ITGA6: variants seen among roughly 807,000 people sequenced by gnomAD.
ITGA6 encodes integrin subunit alpha 6, also known as integrin alpha-6.
Under a neutral mutation model 133.6 loss-of-function variants are expected in ITGA6, and 63 were observed. That is an observed-to-expected ratio of 0.47 (90% CI 0.38 to 0.58). The LOEUF (loss-of-function observed/expected upper bound fraction) is 0.58. Among genes scored for constraint, ITGA6 ranks in the 20% least tolerant of loss-of-function variants. ITGA6 has a pLI of 0.00. For missense variants in ITGA6, 1,068 were observed against 1,309.4 expected (o/e 0.82, Z 2.85); for synonymous variants, 434 against 482.0 (o/e 0.90, Z 1.30).
At chr2:172,472,158 C>T (rs1266954207) in intron 5 of ITGA6, among the ~76,000 whole-genome samples, 1 of 152,174 alleles carries the variant, frequency 6.6e-6, no homozygotes, top group Non-Finnish European at 1.5e-5. Flanking sequence ...CCCTTCTCTA[C>T]TAAAAATACA....
chr2:172,478,651 T>G (rs750982924), intron 9 of ITGA6, among the ~76,000 whole-genome samples: 1 of 152,178 alleles, frequency 6.6e-6, no homozygotes, highest in Non-Finnish European at 1.5e-5. Flanking sequence ...GGCGTGGAAT[T>G]GGATTCCAGC....
intron 1 of ITGA6, among the ~76,000 whole-genome samples, chr2:172,461,792 G>A (rs1258279526): frequency 6.6e-6 from 1 of 152,176 alleles, no homozygotes; most frequent in Admixed American, 6.5e-5. Flanking sequence ...CCTCCTAGGT[G>A]TAGACTGTCC....
intron 1 of ITGA6, among the ~76,000 whole-genome samples, chr2:172,447,873 G>A (rs1326406455): frequency 1.3e-5 from 2 of 152,124 alleles, no homozygotes; most frequent in Non-Finnish European, 2.9e-5. Flanking sequence ...TAAAGACTTT[G>A]AGCTGAAGGA....
chr2:172,430,954 G>A (rs1684081912), intron 1 of ITGA6, among the ~76,000 whole-genome samples: 1 of 152,178 alleles, frequency 6.6e-6, no homozygotes, highest in Admixed American at 6.5e-5. Context: ...GCTCTTCTGG[G>A]AAGAGATGGA....
At chr2:172,479,910 T>C in intron 10 of ITGA6, 80 bp from the exon 11 acceptor site, 1 of 1,084,880 alleles carries the variant, frequency 9.2e-7, no homozygotes, top group African/African-American at 1.5e-5. Context: ...ATTGGGGGGA[T>C]TGGAGAGCTA....
intron 9 of ITGA6, among the ~76,000 whole-genome samples, chr2:172,478,854 G>C (rs957044552): frequency 6.6e-6 from 1 of 152,200 alleles, no homozygotes; most frequent in Admixed American, 6.5e-5. Flanking sequence ...TTGTACAATG[G>C]AGACTCCCAA....
chr2:172,487,447 T>G lies in ITGA6; in HGVS notation c.2154T>G (p.Ala718=). The change falls in exon 15 of 26, where the codon GCT becomes GCG. Residue 718 remains alanine, a synonymous_variant. Transcript: ENST00000684293. The part of the protein sequence containing the change: ...LTYSAYRELR[A]FPEKQLSCVA... The stretch of plus-strand genomic sequence containing the variant: ...ATTCTGCATATAGAGAACTGAGGGC[T>G]TTCCCTGTAAGTATTGTTAGAGACC... 2 of 1,613,914 alleles carry G rather than the reference T, an allele frequency of 1.2e-6. No individual in the cohort carries two copies. The highest frequency in any genetic ancestry group is 1.7e-6 in the Non-Finnish European group (2 of 1,179,776).
chr2:172,467,424 G>C, intron 2 of ITGA6, 57 bp from the exon 3 acceptor site: 1 of 1,348,502 alleles, frequency 7.4e-7, no homozygotes, highest in South Asian at 1.2e-5. Context: ...TTTTTGTTCA[G>C]TGATGGTTTC....
chr2:172,451,622 G>A (rs1195857810), intron 1 of ITGA6, among the ~76,000 whole-genome samples: 1 of 152,190 alleles, frequency 6.6e-6, no homozygotes, highest in Non-Finnish European at 1.5e-5. Context: ...CTGAAAAGAG[G>A]TGTTTTGAGA....
intron 1 of ITGA6, among the ~76,000 whole-genome samples, chr2:172,462,517 C>T (rs1015523391): frequency 3.4e-4 from 52 of 152,170 alleles, no homozygotes; most frequent in Non-Finnish European, 1.2e-4. Flanking sequence ...CTGCAGTAGC[C>T]GCCGCATGTA....
intron 11 of ITGA6, chr2:172,480,972 C>T (rs1686417121): frequency 6.6e-6 from 1 of 152,144 alleles, no homozygotes; most frequent in Non-Finnish European, 1.5e-5. Flanking sequence ...CACCTGACCC[C>T]TGGCTCCAGA....
chr2:172,428,038 G>T, intron 1 of ITGA6, 68 bp downstream of exon 1: 1 of 1,516,248 alleles, frequency 6.6e-7, no homozygotes. Context: ...GCGAGGGCGC[G>T]CCCTGTTCCC....
intron 3 of ITGA6, chr2:172,468,897 A>T: frequency 2.0e-6 from 1 of 505,808 alleles, no homozygotes; most frequent in South Asian, 2.5e-5. Flanking sequence ...TTGGAGGATT[A>T]TTCTGAGTGA....
Position 172,427,848 on chromosome 2 carries a change from C to G in ITGA6, c.60C>G (p.Leu20=). 6.2e-7 allele frequency: 1 copy of G among 1,606,272 alleles called. No homozygotes were observed. The highest frequency in any genetic ancestry group is 8.5e-7 in the Non-Finnish European group (1 of 1,177,000). ...LYLSAGLLSR[L]GAAFNLDTRE... is the part of the protein sequence containing the mutation. ...TGTCGGCGGGGCTCCTGTCCCGGCT[C>G]GGCGCAGCCTTCAACTTGGACACTC... The change falls in exon 1 of 26, where the codon CTC becomes CTG. Residue 20 remains leucine (L), a synonymous_variant. Transcript: ENST00000684293.
rs1293690360 is a variant in ITGA6 at position 172,479,723 on chromosome 2, G to A, written c.1471G>A (p.Ala491Thr). The A allele has an allele frequency of 6.2e-7, 1 of 1,613,744 alleles. No individual in the cohort carries two copies. Among genetic ancestry groups the A allele is most frequent in the African/African-American group, 1.3e-5 (1 of 74,938 alleles). ...CCTCCGCCAGAAAACAGCGTGTGGG[G>A]CGCCTAGTGGGATATGGTGAGCATC... Reference protein sequence around the residue: ...IDLRQKTACGAPSGICLQVKS... With the variant: ...IDLRQKTACGTPSGICLQVKS... The change falls in exon 10 of 26, where the codon GCG becomes ACG. Residue 491 changes from alanine (A) to threonine (T), a missense_variant. By Grantham distance (58) the Ala-to-Thr change is moderately conservative. Coordinates refer to ENST00000684293, the MANE Select transcript of ITGA6 (RefSeq NM_000210.4).
chr2:172,472,370 A>T (rs1017154935), intron 5 of ITGA6, among the ~76,000 whole-genome samples: 1 of 152,234 alleles, frequency 6.6e-6, no homozygotes, highest in African/African-American at 2.4e-5. Context: ...ACTTGATTGT[A>T]ATTGCACTGG....
intron 23 of ITGA6, 105 bp from the exon 24 acceptor site, chr2:172,497,870 C>A: frequency 8.5e-7 from 1 of 1,173,760 alleles, no homozygotes; most frequent in Non-Finnish European, 1.3e-6. Context: ...CATTCACAGG[C>A]TGCATTGTCC....
chr2:172,498,681 C>A (rs1364605189), intron 24 of ITGA6, among the ~76,000 whole-genome samples: 2 of 152,146 alleles, frequency 1.3e-5, no homozygotes, highest in African/African-American at 4.8e-5. Context: ...GTAATATCTT[C>A]CCCTGATTCT....
chr2:172,464,993 C>A (rs2149035003), intron 1 of ITGA6, among the ~76,000 whole-genome samples: 1 of 151,770 alleles, frequency 6.6e-6, no homozygotes, highest in Non-Finnish European at 1.5e-5. Context: ...GTGAATAATT[C>A]AGTCGAGTTG....
Sources: allele counts gnomAD v4.1 joint callset (sites outside exome capture counted in the v4.1 genomes callset), GRCh38; gene constraint gnomAD v4.1.1; transcripts MANE v1.5; gene names NCBI Gene and HGNC (gene_info 2026-07-23, HGNC 2026-07-21).